Variants in AP1AR observed in about 807,000 individuals in gnomAD.
AP1AR encodes the protein adaptor related protein complex 1 associated regulatory protein.
A neutral mutation model predicts 46.3 loss-of-function variants in AP1AR; 29 were observed. That is an observed-to-expected ratio of 0.63 (90% CI 0.47 to 0.85). AP1AR has a LOEUF of 0.85. AP1AR is among the 40% of genes least tolerant of loss of function. The probability of loss-of-function intolerance (pLI) is 0.00; values close to 1 mark genes in which losing one functional copy is unlikely to be tolerated. For synonymous variants in AP1AR, 122 were observed against 122.9 expected (o/e 0.99, Z 0.05); for missense variants, 357 against 356.3 (o/e 1.00, Z -0.02).
intron 2 of AP1AR, among the ~76,000 whole-genome samples, chr4:112,254,366 G>C (rs957228646): frequency 1.4e-4 from 22 of 152,124 alleles, no homozygotes; most frequent in Non-Finnish European, 2.1e-4. Context: ...CCCATTCCTT[G>C]AATAATTTTC....
intron 1 of AP1AR, among the ~76,000 whole-genome samples, chr4:112,236,680 C>T (rs1725255045): frequency 6.6e-6 from 1 of 152,152 alleles, no homozygotes; most frequent in Non-Finnish European, 1.5e-5. Flanking sequence ...GAATTACAGG[C>T]ACGAGCCACT....
Position 112,263,046 on chromosome 4 carries a change from G to A in AP1AR, c.341G>A (p.Arg114His), listed in dbSNP as rs547165995. The A allele has an allele frequency of 2.0e-5, 32 of 1,613,838 alleles. No homozygotes were observed. The highest frequency in any genetic ancestry group is 4.0e-5 in the African/African-American group (3 of 75,036). ...LEEEALYAAQ[R>H]EAARAAKQRK... ...GAAGAAGCTTTATACGCTGCACAGC[G>A]TGAAGCAGCCAGGGCAGCAAAGCAG... Residue 114 changes from arginine (R) to histidine (H), a missense_variant, in exon 6 of 10, where the codon CGT (arginine) becomes CAT (histidine). Arg to His is a conservative substitution (Grantham distance 29). Around this residue, in one of 2 missense-constraint regions of AP1AR, gnomAD observed 269 missense variants for 223.6 expected, o/e 1.20. Coordinates refer to ENST00000274000, the MANE Select transcript of AP1AR (RefSeq NM_018569.6).
At chr4:112,257,578 A>G (rs1726249424) in intron 3 of AP1AR, among the ~76,000 whole-genome samples, 194 bp from the exon 4 acceptor site, 1 of 152,212 alleles carries the variant, frequency 6.6e-6, no homozygotes, top group Non-Finnish European at 1.5e-5. Flanking sequence ...TTTGCTTTGG[A>G]GAAGTAGCAA....
intron 6 of AP1AR, among the ~76,000 whole-genome samples, chr4:112,264,050 T>C (rs1314160442): frequency 6.6e-6 from 1 of 152,212 alleles, no homozygotes; most frequent in South Asian, 2.1e-4. Context: ...ATGTGAACTG[T>C]GTCCTTCTCC....
chr4:112,258,360 C>T (rs557021078), intron 4 of AP1AR, among the ~76,000 whole-genome samples: 244 of 152,288 alleles, frequency 1.6e-3, no homozygotes, highest in African/African-American at 5.3e-3. Context: ...AAGCAACTGT[C>T]GTGTGCCAAG....
intron 1 of AP1AR, among the ~76,000 whole-genome samples, chr4:112,246,907 A>G (rs1360507576): frequency 1.3e-5 from 2 of 151,702 alleles, no homozygotes; most frequent in African/African-American, 4.8e-5. Flanking sequence ...CTGTTTCTTC[A>G]TTTTACACAT....
At chr4:112,254,892 G>A (rs1165370006) in intron 3 of AP1AR, 119 bp downstream of exon 3, 2 of 500,880 alleles carry the variant, frequency 4.0e-6, no homozygotes, top group Non-Finnish European at 6.5e-6. Flanking sequence ...TTATTTTCTG[G>A]TTTTTATTTT....
chr4:112,232,046 T>C lies in AP1AR; in HGVS notation c.-46T>C, dbSNP rs1725024182. On this transcript the variant is annotated 5_prime_UTR_variant, in exon 1 of 10. Transcript: ENST00000274000. ...CAGCTGCCGGGCCTGGGTTTGGGCATTGAGCGGGAGGAGGAGGAGGAGCGG... is the reference window on the plus strand; with the variant it reads ...CAGCTGCCGGGCCTGGGTTTGGGCACTGAGCGGGAGGAGGAGGAGGAGCGG... The C allele has an allele frequency of 2.2e-6, 3 of 1,341,450 alleles. No homozygotes were observed. The highest frequency in any genetic ancestry group is 1.5e-5 in the African/African-American group (1 of 65,496). 83.1% of individuals were successfully genotyped at this position (1,341,450 alleles called of 1,614,324 possible).
chr4:112,264,461 G>A (rs1031644382), intron 6 of AP1AR, among the ~76,000 whole-genome samples: 1 of 152,142 alleles, frequency 6.6e-6, no homozygotes, highest in Non-Finnish European at 1.5e-5. Context: ...ATAGCTATCT[G>A]TAATTTATAG....
chr4:112,251,722 GGA>G (rs1207419375), intron 1 of AP1AR, among the ~76,000 whole-genome samples: 1 of 152,238 alleles, frequency 6.6e-6, no homozygotes, highest in South Asian at 2.1e-4. Flanking sequence ...GAGAAATAAA[GGA>G]GAGAGAAGAG....
chr4:112,256,170 CTTAAA>C (rs1487765383), intron 3 of AP1AR, among the ~76,000 whole-genome samples: 2 of 152,168 alleles, frequency 1.3e-5, no homozygotes, highest in East Asian at 1.9e-4. Context: ...CTCAGCTCTT[CTTAAA>C]TTAACGTGGG....
At chr4:112,265,438 T>C (rs1248509526) in intron 7 of AP1AR, 1 of 365,038 alleles carries the variant, frequency 2.7e-6, no homozygotes, top group East Asian at 5.2e-5. Flanking sequence ...GTGTCACATT[T>C]CCACAAGTAT....
intron 1 of AP1AR, among the ~76,000 whole-genome samples, chr4:112,247,189 A>C (rs934098952): frequency 6.6e-6 from 1 of 152,194 alleles, no homozygotes; most frequent in Non-Finnish European, 1.5e-5. Flanking sequence ...TAGTAACATG[A>C]AGTGTATGTA....
chr4:112,263,934 T>C (rs1311613062), intron 6 of AP1AR, among the ~76,000 whole-genome samples: 1 of 152,188 alleles, frequency 6.6e-6, no homozygotes. Flanking sequence ...TTTGCCTGTT[T>C]GGATTCACCT....
chr4:112,254,570 A>G (rs1202283178), intron 2 of AP1AR, among the ~76,000 whole-genome samples, 177 bp from the exon 3 acceptor site: 1 of 152,182 alleles, frequency 6.6e-6, no homozygotes, highest in Non-Finnish European at 1.5e-5. Context: ...TGTCTTGGCC[A>G]TTTTGTAGGA....
At chr4:112,265,149 G>A (rs1272289513) in intron 7 of AP1AR, 82 bp downstream of exon 7, 24 of 1,008,386 alleles carry the variant, frequency 2.4e-5, no homozygotes, top group Non-Finnish European at 3.3e-5. Context: ...CTCAAGATGT[G>A]TATATACGCA....
intron 1 of AP1AR, among the ~76,000 whole-genome samples, chr4:112,249,000 A>G (rs1405229493): frequency 6.6e-6 from 1 of 152,134 alleles, no homozygotes; most frequent in Non-Finnish European, 1.5e-5. Context: ...CCTACATAAA[A>G]TAACCTCCTG....
At chr4:112,265,133 A>T in intron 7 of AP1AR, 66 bp downstream of exon 7, 2 of 1,263,668 alleles carry the variant, frequency 1.6e-6, no homozygotes, top group Non-Finnish European at 2.2e-6. Context: ...GTAGAGCATC[A>T]TTCACCTCAA....
intron 1 of AP1AR, among the ~76,000 whole-genome samples, chr4:112,247,851 G>A (rs1028493732): frequency 2.0e-5 from 3 of 152,198 alleles, no homozygotes; most frequent in African/African-American, 7.2e-5. Flanking sequence ...TAATGGAACT[G>A]AGTACTGATT....
Sources: allele counts gnomAD v4.1 joint callset (sites outside exome capture counted in the v4.1 genomes callset), GRCh38; gene constraint gnomAD v4.1.1; regional missense constraint gnomAD v4.1.1; transcripts MANE v1.5; gene names NCBI Gene and HGNC (gene_info 2026-07-23, HGNC 2026-07-21).